P2RX3: variants seen among roughly 807,000 people sequenced by gnomAD.
The protein encoded by P2RX3 is P2X purinoceptor 3.
Under a neutral mutation model 51.5 loss-of-function variants are expected in P2RX3, and 41 were observed. That is an observed-to-expected ratio of 0.80 (90% confidence interval 0.62 to 1.03). The LOEUF is 1.03. Among genes scored for constraint, P2RX3 ranks in the 50% least tolerant of loss-of-function variants. The pLI, the probability that P2RX3 is intolerant of heterozygous loss-of-function variation, is 0.00. For synonymous variants in P2RX3, 185 were observed against 191.6 expected, an observed-to-expected ratio of 0.97 and a Z score of 0.29; for missense variants, 459 against 522.1, an observed-to-expected ratio of 0.88 and a Z score of 1.18.
At chr11:57,339,518 TACAC>T (rs10685137) in intron 1 of P2RX3, among the ~76,000 whole-genome samples, 1 of 150,412 alleles carries the variant, frequency 6.6e-6, no homozygotes, top group Admixed American at 6.6e-5. Flanking sequence ...AGCACACACC[TACAC>T]ACACACACAC....
chr11:57,336,880 G>T (rs947274548), upstream of P2RX3, among the ~76,000 whole-genome samples: 3 of 152,222 alleles, frequency 2.0e-5, no homozygotes, highest in Non-Finnish European at 4.4e-5. Context: ...TAACCTCTGA[G>T]TAGTGGCTAT....
intron 1 of P2RX3, among the ~76,000 whole-genome samples, chr11:57,344,658 C>T (rs1856400548): frequency 6.6e-6 from 1 of 152,080 alleles, no homozygotes; most frequent in East Asian, 1.9e-4. Context: ...GAGATGGCGC[C>T]AGTGCCTGGG....
intron 1 of P2RX3, among the ~76,000 whole-genome samples, chr11:57,343,496 C>T (rs1856378761): frequency 6.6e-6 from 1 of 152,198 alleles, no homozygotes. Context: ...AGCTGACATA[C>T]CAGCTTTGCA....
intron 5 of P2RX3, 172 bp from the exon 6 acceptor site, chr11:57,348,455 C>A: frequency 1.4e-6 from 1 of 704,732 alleles, no homozygotes; most frequent in Non-Finnish European, 2.4e-6. Context: ...CCTCCTCCTG[C>A]TGTGACACTC....
chr11:57,348,940 G>A (rs773444357), intron 6 of P2RX3, among the ~76,000 whole-genome samples: 4 of 152,208 alleles, frequency 2.6e-5, no homozygotes, highest in Non-Finnish European at 4.4e-5. Flanking sequence ...AGACCCAAAC[G>A]GGAGTTTTGC....
At position 57,371,038 on chromosome 11, in the gene P2RX3, A is replaced by G. The variant is rs971438841; in HGVS notation, c.*1041A>G. On this transcript the variant is annotated 3_prime_UTR_variant, in exon 12 of 12. Transcript: ENST00000263314. ...GTTAGAAGCTAAAGGGGCCTTTTAA[A>G]CCATCTTATCTAACCCTCTTGCTTA... is the stretch of plus-strand genomic sequence containing the variant. Among the ~76,000 whole-genome samples the G allele has an allele frequency of 1.3e-5, 2 of 152,242 alleles. No homozygotes were observed. The highest frequency in any genetic ancestry group is 4.8e-5 in the African/African-American group (2 of 41,474).
chr11:57,338,733 C>T, intron 1 of P2RX3, 64 bp downstream of exon 1: 1 of 1,100,156 alleles, frequency 9.1e-7, no homozygotes, highest in Non-Finnish European at 1.4e-6. Flanking sequence ...CTTCACCCTC[C>T]TGCCTCGGTG....
chr11:57,340,285 C>T (rs1389190951), intron 1 of P2RX3, among the ~76,000 whole-genome samples: 1 of 152,186 alleles, frequency 6.6e-6, no homozygotes, highest in Non-Finnish European at 1.5e-5. Context: ...GCCCGCTCAG[C>T]CCCCACTGCC....
upstream of P2RX3, among the ~76,000 whole-genome samples, chr11:57,336,196 A>G (rs1856218132): frequency 6.6e-6 from 1 of 152,202 alleles, no homozygotes; most frequent in Non-Finnish European, 1.5e-5. Context: ...ATGTCATGGA[A>G]AGGAGTCGAT....
At chr11:57,358,841 A>G (rs1856669630) in intron 8 of P2RX3, among the ~76,000 whole-genome samples, 1 of 152,156 alleles carries the variant, frequency 6.6e-6, no homozygotes, top group African/African-American at 2.4e-5. Context: ...GTACTTACTC[A>G]TTCTTTATCT....
chr11:57,346,811 T>G, intron 2 of P2RX3, 132 bp downstream of exon 2: 4 of 1,312,676 alleles, frequency 3.0e-6, no homozygotes, highest in Non-Finnish European at 4.1e-6. Context: ...AGAGGACCTC[T>G]CCCCCAGCAG....
At chr11:57,366,048 T>G (rs997990635) in intron 8 of P2RX3, among the ~76,000 whole-genome samples, 1 of 152,204 alleles carries the variant, frequency 6.6e-6, no homozygotes, top group Non-Finnish European at 1.5e-5. Flanking sequence ...CCCACACGGC[T>G]AAGGAGTTTT....
Position 57,347,195 on chromosome 11 carries a change from G to A in P2RX3, c.327+8G>A, listed in dbSNP as rs1193727041. On this transcript the variant is annotated splice_region_variant and intron_variant, in intron 3 of 11. Transcript: ENST00000263314. ...CAAGGATTCTGCCCAGAGGTGAGGG[G>A]AGGACAGAGGTTGGGTGAAGCAGGT... 8 of 1,612,734 alleles carry A rather than the reference G, an allele frequency of 5.0e-6. No homozygotes were observed. The highest frequency in any genetic ancestry group is 5.9e-6 in the Non-Finnish European group (7 of 1,179,296).
At chr11:57,338,183 C>G (rs1856269463), upstream of P2RX3, among the ~76,000 whole-genome samples, 1 of 152,192 alleles carries the variant, frequency 6.6e-6, no homozygotes, top group Admixed American at 6.5e-5. Context: ...CAGAAGAGAA[C>G]AGAACAGAAA....
intron 9 of P2RX3, 84 bp from the exon 10 acceptor site, chr11:57,368,288 C>G: frequency 6.8e-7 from 1 of 1,479,960 alleles, no homozygotes; most frequent in Non-Finnish European, 9.4e-7. Context: ...CCACCAAGAA[C>G]CCTTCTGGCG....
chr11:57,346,750 CAA>C (rs1215006801), intron 2 of P2RX3, 71 bp downstream of exon 2: 9 of 1,565,440 alleles, frequency 5.7e-6, no homozygotes, highest in Middle Eastern at 2.3e-4. Context: ...AGAAAGCGAG[CAA>C]AGAGTGCCAA....
At chr11:57,344,643 G>A (rs1165612286) in intron 1 of P2RX3, among the ~76,000 whole-genome samples, 1 of 152,180 alleles carries the variant, frequency 6.6e-6, no homozygotes, top group Non-Finnish European at 1.5e-5. Context: ...AGGTTGCAGT[G>A]AGCCGAGATG....
chr11:57,347,543 G>T (rs976845563), intron 4 of P2RX3, 65 bp downstream of exon 4: 1 of 1,513,958 alleles, frequency 6.6e-7, no homozygotes, highest in African/African-American at 1.4e-5. Context: ...GGGAGAGCCC[G>T]TCGTTGGAGA....
Position 57,368,354 on chromosome 11 carries a change from T to C in P2RX3, c.937-18T>C. 6.2e-7 allele frequency: 1 copy of C among 1,613,954 alleles called. No homozygotes were observed. Among genetic ancestry groups the C allele is most frequent in the Non-Finnish European group, 8.5e-7 (1 of 1,179,928 alleles). ...CCATGGGCCCTCTGCCCACTTGCCT[T>C]GGTCTTTGTGCACACAGGCTGGCAA... On this transcript the variant is annotated intron_variant, in intron 9 of 11. Coordinates refer to ENST00000263314, the MANE Select transcript of P2RX3 (RefSeq NM_002559.5).
Sources: allele counts gnomAD v4.1 joint callset (sites outside exome capture counted in the v4.1 genomes callset), GRCh38; gene constraint gnomAD v4.1.1; transcripts MANE v1.5; gene names NCBI Gene and HGNC (gene_info 2026-07-23, HGNC 2026-07-21).